Variants in SYNDIG1L observed in about 807,000 individuals in gnomAD.
SYNDIG1L encodes synapse differentiation-inducing gene protein 1-like.
A neutral mutation model predicts 20.1 loss-of-function variants in SYNDIG1L; 13 were observed. The observed-to-expected ratio is 0.65, with a 90% CI of 0.42 to 1.03. SYNDIG1L has a LOEUF of 1.03. Among genes scored for constraint, SYNDIG1L ranks in the 50% least tolerant of loss-of-function variants. The pLI is 0.00. For synonymous variants in SYNDIG1L, 128 were observed against 129.3 expected, an observed-to-expected ratio of 0.99 and a Z score of 0.07; for missense variants, 294 against 305.1, an observed-to-expected ratio of 0.96 and a Z score of 0.27.
At chr14:74,410,395 T>A (rs1284032849) in intron 1 of SYNDIG1L, among the ~76,000 whole-genome samples, 1 of 152,046 alleles carries the variant, frequency 6.6e-6, no homozygotes, top group African/African-American at 2.4e-5. Context: ...AAGGCAGGTG[T>A]GGTGCAGGGC....
chr14:74,478,776 G>C, the SYNDIG1L span, among the ~76,000 whole-genome samples: 138,862 of 152,264 alleles, frequency 0.91, 63,587 homozygotes, highest in East Asian at 0.99. Flanking sequence ...AGACAAAGAA[G>C]AATGTCTGTC....
At chr14:74,477,201 C>T in the SYNDIG1L span, among the ~76,000 whole-genome samples, 1 of 152,150 alleles carries the variant, frequency 6.6e-6, no homozygotes. Flanking sequence ...ACCTCTATTT[C>T]CTGTTCTGTC....
At position 74,406,405 on chromosome 14, in the gene SYNDIG1L, C is replaced by G. The variant is rs1312386415; in HGVS notation, c.*1130G>C. 6.7e-5 allele frequency: 17 copies of G among 254,768 alleles called. No homozygotes were observed. Among genetic ancestry groups the G allele is most frequent in the Non-Finnish European group, 7.4e-6 (1 of 135,002 alleles). 15.8% of individuals were successfully genotyped at this position (254,768 alleles called of 1,614,324 possible). ...GATGTTCCAGGCAGAATCCAAACAG[C>G]CTGGAAGCTTCCCATGGAAGGTTCC... On this transcript the variant is annotated 3_prime_UTR_variant, in exon 4 of 4. Coordinates refer to ENST00000331628, the MANE Select transcript of SYNDIG1L (RefSeq NM_001105579.2).
chr14:74,430,621 A>C (rs2086296048), upstream of SYNDIG1L, among the ~76,000 whole-genome samples: 1 of 152,108 alleles, frequency 6.6e-6, no homozygotes, highest in Non-Finnish European at 1.5e-5. Flanking sequence ...TTTTTAGTAG[A>C]GATGGGGTTC....
chr14:74,408,786 G>A (rs1334218311), intron 2 of SYNDIG1L, among the ~76,000 whole-genome samples: 2 of 151,994 alleles, frequency 1.3e-5, no homozygotes, highest in Non-Finnish European at 2.9e-5. Flanking sequence ...GTGGGCTGGG[G>A]GAAAATGTGA....
chr14:74,417,708 A>T (rs2086187701), intron 1 of SYNDIG1L, among the ~76,000 whole-genome samples: 1 of 152,216 alleles, frequency 6.6e-6, no homozygotes, highest in African/African-American at 2.4e-5. Flanking sequence ...CACTCCTTTC[A>T]GGGCATAACT....
intron 1 of SYNDIG1L, among the ~76,000 whole-genome samples, chr14:74,423,508 T>C (rs1037177231): frequency 2.0e-5 from 3 of 152,088 alleles, no homozygotes; most frequent in African/African-American, 7.2e-5. Flanking sequence ...AGCGATGACG[T>C]GAGGAGGGGG....
chr14:74,434,574 G>A, the SYNDIG1L span, among the ~76,000 whole-genome samples: 1 of 151,896 alleles, frequency 6.6e-6, no homozygotes, highest in East Asian at 1.9e-4. Context: ...AAGAGATCAA[G>A]GCAAGCTGGA....
At chr14:74,418,731 G>A (rs1329870903) in intron 1 of SYNDIG1L, among the ~76,000 whole-genome samples, 1 of 152,144 alleles carries the variant, frequency 6.6e-6, no homozygotes, top group Admixed American at 6.5e-5. Context: ...GGATGATTCT[G>A]AGGCCACCAT....
chr14:74,417,229 A>G (rs1368040916), intron 1 of SYNDIG1L, among the ~76,000 whole-genome samples: 1 of 152,230 alleles, frequency 6.6e-6, no homozygotes, highest in African/African-American at 2.4e-5. Flanking sequence ...GCCACCAAAC[A>G]GATGCAGGGA....
the SYNDIG1L span, among the ~76,000 whole-genome samples, chr14:74,463,400 GGAT>G: frequency 6.6e-6 from 1 of 152,220 alleles, no homozygotes; most frequent in South Asian, 2.1e-4. Context: ...TGCCTATGGT[GGAT>G]GAGGCTGGGA....
At chr14:74,453,957 T>C in the SYNDIG1L span, among the ~76,000 whole-genome samples, 2 of 151,910 alleles carry the variant, frequency 1.3e-5, no homozygotes, top group African/African-American at 4.8e-5. Flanking sequence ...CAGAGTGAGA[T>C]TCTGTCTCAA....
At chr14:74,451,274 C>T in the SYNDIG1L span, among the ~76,000 whole-genome samples, 1 of 152,166 alleles carries the variant, frequency 6.6e-6, no homozygotes, top group Non-Finnish European at 1.5e-5. Context: ...ATATGAACAA[C>T]TGGTTTTTGA....
At chr14:74,415,963 CA>C (rs1170093479) in intron 1 of SYNDIG1L, among the ~76,000 whole-genome samples, 1 of 151,644 alleles carries the variant, frequency 6.6e-6, no homozygotes, top group Admixed American at 6.6e-5. Flanking sequence ...TAAAATTGCC[CA>C]AAAAAAGACA....
At chr14:74,425,750 G>A (rs1161293994) in intron 1 of SYNDIG1L, among the ~76,000 whole-genome samples, 162 bp downstream of exon 1, 1 of 152,174 alleles carries the variant, frequency 6.6e-6, no homozygotes, top group African/African-American at 2.4e-5. Flanking sequence ...TGCAGGATGA[G>A]GGGTAGGGAG....
intron 1 of SYNDIG1L, among the ~76,000 whole-genome samples, chr14:74,415,538 T>C (rs1180209828): frequency 1.3e-5 from 2 of 152,196 alleles, no homozygotes; most frequent in South Asian, 4.1e-4. Flanking sequence ...TATGAAATAA[T>C]AAAATTTTTT....
chr14:74,420,847 C>G (rs1038800338), intron 1 of SYNDIG1L, among the ~76,000 whole-genome samples: 2 of 152,112 alleles, frequency 1.3e-5, no homozygotes, highest in African/African-American at 4.8e-5. Flanking sequence ...GTAGAGAAAC[C>G]TGTAGCCCCA....
the SYNDIG1L span, among the ~76,000 whole-genome samples, chr14:74,434,884 A>T: frequency 2.0e-5 from 3 of 148,640 alleles, no homozygotes; most frequent in Non-Finnish European, 4.4e-5. Context: ...GATCGAGACC[A>T]TCCTGGCTAA....
intron 1 of SYNDIG1L, among the ~76,000 whole-genome samples, chr14:74,413,391 C>T (rs2086147976): frequency 6.6e-6 from 1 of 152,170 alleles, no homozygotes; most frequent in Non-Finnish European, 1.5e-5. Context: ...AATTACTGTG[C>T]ACAATACAGT....
Sources: allele counts gnomAD v4.1 joint callset (sites outside exome capture counted in the v4.1 genomes callset), GRCh38; gene constraint gnomAD v4.1.1; transcripts MANE v1.5; gene names NCBI Gene and HGNC (gene_info 2026-07-23, HGNC 2026-07-21).